Variants in FHAD1 observed in about 807,000 individuals in gnomAD.
FHAD1 encodes forkhead associated phosphopeptide binding domain 1, also known as forkhead-associated domain-containing protein 1.
Under a neutral mutation model 191.3 loss-of-function variants are expected in FHAD1, and 146 were observed. That is an observed-to-expected ratio of 0.76 (90% CI 0.67 to 0.88). The LOEUF (loss-of-function observed/expected upper bound fraction) is 0.88. FHAD1 is among the 40% of genes least tolerant of loss of function. The pLI is 0.00. For missense variants in FHAD1, 1,635 were observed against 1,785.8 expected (o/e 0.92, Z 1.52); for synonymous variants, 616 against 672.3 (o/e 0.92, Z 1.29).
At chr1:15,281,801 G>A (rs1399781228) in intron 3 of FHAD1, among the ~76,000 whole-genome samples, 1 of 151,502 alleles carries the variant, frequency 6.6e-6, no homozygotes, top group East Asian at 1.9e-4. Context: ...GGGAGGAAGG[G>A]GGCATTGATT....
intron 1 of FHAD1, among the ~76,000 whole-genome samples, chr1:15,239,341 C>CT (rs1645111807): frequency 6.6e-6 from 1 of 152,100 alleles, no homozygotes; most frequent in Admixed American, 6.5e-5. Flanking sequence ...AATCCCAGCA[C>CT]TTTGAGAGGC....
chr1:15,310,936 C>T (rs977742618), intron 7 of FHAD1, among the ~76,000 whole-genome samples: 2 of 152,134 alleles, frequency 1.3e-5, no homozygotes, highest in African/African-American at 2.4e-5. Flanking sequence ...GAACAAGGTG[C>T]GGATTTCCTC....
At chr1:15,346,816 A>T (rs1202221685) in intron 18 of FHAD1, among the ~76,000 whole-genome samples, 1 of 152,224 alleles carries the variant, frequency 6.6e-6, no homozygotes, top group Non-Finnish European at 1.5e-5. Flanking sequence ...TCCTGGCTGC[A>T]GCAGACCTAC....
chr1:15,338,633 CCT>C (rs1163098142), intron 14 of FHAD1, among the ~76,000 whole-genome samples: 2 of 152,188 alleles, frequency 1.3e-5, no homozygotes, highest in Non-Finnish European at 2.9e-5. Context: ...CCCGCGCACC[CCT>C]GTTCTGAAGC....
chr1:15,245,219 T>C (rs1284051622), upstream of FHAD1, among the ~76,000 whole-genome samples: 1 of 152,200 alleles, frequency 6.6e-6, no homozygotes, highest in Non-Finnish European at 1.5e-5. Flanking sequence ...ACATGAGATT[T>C]GGAGGGGTCA....
chr1:15,327,004 C>T lies in FHAD1; in HGVS notation c.1474-55C>T, dbSNP rs536907765. ...CGCACCCTGCCATGGAAACGCTGCCCCCACTTGCCGGCCCCTGCTGACCCC... is the reference window on the plus strand; with the variant it reads ...CGCACCCTGCCATGGAAACGCTGCCTCCACTTGCCGGCCCCTGCTGACCCC... On this transcript the variant is annotated intron_variant, in intron 11 of 33. Transcript: ENST00000688493. This position sits in a 1 kb window ranked among gnomAD's most constrained non-coding sequence, Gnocchi z 5.1. 376 of 1,138,728 alleles carry T rather than the reference C, an allele frequency of 3.3e-4. 1 individual carries two copies. The highest frequency in any genetic ancestry group is 4.4e-4 in the Non-Finnish European group (338 of 772,768). The allele number at this position is 1,138,728 out of a possible 1,614,324, so 70.5% of individuals were successfully genotyped here. A position where few individuals can be genotyped will look rare whatever the true frequency, so the allele number is the denominator to read the frequency against.
intron 18 of FHAD1, among the ~76,000 whole-genome samples, chr1:15,347,405 C>T (rs1293664653): frequency 6.6e-6 from 1 of 152,240 alleles, no homozygotes; most frequent in African/African-American, 2.4e-5. Flanking sequence ...TCTGTGGCTT[C>T]CTATCGGGGG....
chr1:15,260,782 GT>G (rs577778724), intron 2 of FHAD1, among the ~76,000 whole-genome samples: 133 of 152,366 alleles, frequency 8.7e-4, no homozygotes, highest in Middle Eastern at 3.4e-3. Context: ...AAAGTTCTTT[GT>G]TTTTAAGGGC....
At chr1:15,337,115 A>G (rs927581406) in intron 14 of FHAD1, among the ~76,000 whole-genome samples, 1 of 152,142 alleles carries the variant, frequency 6.6e-6, no homozygotes, top group Non-Finnish European at 1.5e-5. Flanking sequence ...GTCCCTGGCC[A>G]GGGGCCATGG....
intron 15 of FHAD1, among the ~76,000 whole-genome samples, chr1:15,340,649 A>T (rs1686213429): frequency 6.6e-6 from 1 of 152,152 alleles, no homozygotes; most frequent in Non-Finnish European, 1.5e-5. Flanking sequence ...ATGGGCGGGC[A>T]CTGCAAGTTA....
intron 20 of FHAD1, among the ~76,000 whole-genome samples, chr1:15,355,270 C>T (rs1337650016): frequency 6.6e-6 from 1 of 151,396 alleles, no homozygotes; most frequent in East Asian, 1.9e-4. Context: ...GGTGACATTA[C>T]CCTAGACAAG....
rs1646172314 is a variant in FHAD1 at position 15,247,264 on chromosome 1, G to GGGGTGCCGGGTGCGGGCT, written c.-132_-131insGGCTGGGTGCCGGGTGCG. 1 of 181,486 alleles carries GGGGTGCCGGGTGCGGGCT rather than the reference G, an allele frequency of 5.5e-6. No individual in the cohort carries two copies. The highest frequency in any genetic ancestry group is 2.4e-5 in the African/African-American group (1 of 41,674). 11.2% of individuals were successfully genotyped at this position (181,486 alleles called of 1,614,324 possible). On this transcript the variant is annotated 5_prime_UTR_variant, in exon 1 of 34. Transcript: ENST00000688493. ...GCGTACACAGGCCGGCCGGGCGGGC[G>GGGGTGCCGGGTGCGGGCT]GGGTGCCGGGTGCGAGCTGGAGACT...
At chr1:15,320,740 C>T (rs2101589568) in intron 10 of FHAD1, among the ~76,000 whole-genome samples, 1 of 152,278 alleles carries the variant, frequency 6.6e-6, no homozygotes, top group South Asian at 2.1e-4. Context: ...CTTTATTTTA[C>T]AATGTGTATC....
rs1701012739 is a variant in FHAD1, at chr1:15,381,938, A to T, written c.4023-90A>T. ...ACTCCTGAGTGAGCCCCCACTGTGG[A>T]TGTATTTTGAGAGACTTCCGGGTCT... On this transcript the variant is annotated intron_variant, in intron 30 of 33. Coordinates refer to ENST00000688493, the MANE Select transcript of FHAD1 (RefSeq NM_001391957.1). The surrounding 1 kb of genome is among the most constrained non-coding windows in gnomAD (Gnocchi z 4.6). 3.6e-6 allele frequency: 5 copies of T among 1,397,928 alleles called. No homozygotes were observed. In the Admixed American group the frequency reaches 1.1e-4, roughly 30 times the overall value. The allele number at this position is 1,397,928 out of a possible 1,614,324, so 86.6% of individuals were successfully genotyped here.
At chr1:15,386,256 G>C (rs1046634560) in intron 31 of FHAD1, among the ~76,000 whole-genome samples, 10 of 152,220 alleles carry the variant, frequency 6.6e-5, no homozygotes, top group Admixed American at 6.5e-5. Flanking sequence ...AAGAGAAAAG[G>C]CCACTCGGGG....
intron 6 of FHAD1, among the ~76,000 whole-genome samples, chr1:15,308,342 T>A (rs1671183630): frequency 6.6e-6 from 1 of 152,164 alleles, no homozygotes; most frequent in African/African-American, 2.4e-5. Flanking sequence ...AGAAGGCACA[T>A]TAAGAAACCA....
At chr1:15,387,835 T>C (rs1411279562) in intron 31 of FHAD1, among the ~76,000 whole-genome samples, 1 of 152,138 alleles carries the variant, frequency 6.6e-6, no homozygotes, top group Non-Finnish European at 1.5e-5. Context: ...CAGTGAGCCA[T>C]CGTCGTGCCA....
chr1:15,367,247 G>A lies in FHAD1; in HGVS notation c.3155-216G>A, dbSNP rs370137765. ...TAGCTACCTTACACCTGTAGTCCCC[G>A]CACTTTGGGAGACTGAGGCGGGTGG... On this transcript the variant is annotated intron_variant, in intron 24 of 33. Coordinates refer to ENST00000688493, the MANE Select transcript of FHAD1 (RefSeq NM_001391957.1). Among the ~76,000 whole-genome samples, 15 of 152,106 alleles carry A rather than the reference G, an allele frequency of 9.9e-5. No individual in the cohort carries two copies. The East Asian group carries it at 1.7e-3, about 18-fold the overall frequency.
intron 6 of FHAD1, among the ~76,000 whole-genome samples, chr1:15,302,169 A>T (rs940741712): frequency 6.6e-6 from 1 of 152,122 alleles, no homozygotes; most frequent in Non-Finnish European, 1.5e-5. Context: ...ATTTCCCCAC[A>T]ATGCTGTCAC....
Sources: gnomAD v4.1 joint callset for allele counts (sites outside exome capture counted in the v4.1 genomes callset) on GRCh38, gnomAD v4.1.1 for gene constraint, Gnocchi (gnomAD v3.1) non-coding constraint, MANE v1.5 for transcripts, NCBI Gene and HGNC (gene_info 2026-07-23, HGNC 2026-07-21) for gene names.